The following CACNG4 variants were observed in gnomAD, a reference collection of about 807,000 sequenced individuals.
CACNG4 encodes the protein calcium voltage-gated channel auxiliary subunit gamma 4.
In CACNG4, 8 loss-of-function variants were observed where a neutral mutation model predicts 22.9. The ratio of observed to expected loss-of-function variants is 0.35; its 90% CI spans 0.21 to 0.63. CACNG4 has a LOEUF of 0.63. Among genes scored for constraint, CACNG4 ranks in the 30% least tolerant of loss-of-function variants. The probability of loss-of-function intolerance (pLI) is 0.72; values close to 1 mark genes in which losing one functional copy is unlikely to be tolerated. For synonymous variants in CACNG4, 188 were observed against 191.9 expected (o/e 0.98, Z 0.17); for missense variants, 357 against 455.4 (o/e 0.78, Z 1.97).
intron 2 of CACNG4, among the ~76,000 whole-genome samples, chr17:67,024,303 T>C (rs916736722): frequency 5.3e-5 from 8 of 152,230 alleles, no homozygotes; most frequent in Non-Finnish European, 1.2e-4. Flanking sequence ...ACACTGGTGC[T>C]ATGAGGAACC....
intron 1 of CACNG4, among the ~76,000 whole-genome samples, chr17:67,016,242 C>T (rs372277745): frequency 6.6e-6 from 1 of 152,070 alleles, no homozygotes; most frequent in Non-Finnish European, 1.5e-5. Context: ...ATGAGGAGAC[C>T]GAGGAGTTAA....
Position 67,030,435 on chromosome 17 carries a change from C to A in CACNG4, c.446-31C>A, listed in dbSNP as rs1157637124. The stretch of plus-strand genomic sequence containing the variant: ...AACCTCTGCCTCTCTCCCTCCCTGG[C>A]CCCGCTCCCCGCTCCCCGCTTCCCT... On this transcript the variant is annotated intron_variant, in intron 3 of 3. Transcript: ENST00000262138. This position sits in a 1 kb window ranked among gnomAD's most constrained non-coding sequence, Gnocchi z 6.4. The A allele has an allele frequency of 1.9e-6, 3 of 1,600,604 alleles. No homozygotes were observed. The highest frequency in any genetic ancestry group is 1.7e-5 in the Admixed American group (1 of 59,448).
intron 1 of CACNG4, among the ~76,000 whole-genome samples, chr17:66,981,248 C>T (rs999159962): frequency 6.6e-6 from 1 of 152,230 alleles, no homozygotes; most frequent in Non-Finnish European, 1.5e-5. Flanking sequence ...AGTCCAGCAT[C>T]CTCCAGCTGA....
At position 67,018,219 on chromosome 17, in the gene CACNG4, A is replaced by G. The variant is rs1412530029; in HGVS notation, c.251A>G (p.Asn84Ser). Residue 84 changes from asparagine (N) to serine (S), a missense_variant, in exon 2 of 4, where the codon AAT becomes AGT. By Grantham distance (46) the Asn-to-Ser change is conservative. Transcript: ENST00000262138. ...TATAAAGGGCACTGCTTCCGGATCA[A>G]TCACTTCCCAGAGGACAATGACTAC... ...GIYKGHCFRI[N>S]HFPEDNDYDH... The G allele has an allele frequency of 6.8e-6, 11 of 1,613,998 alleles. No homozygotes were observed. The highest frequency in any genetic ancestry group is 2.7e-5 in the African/African-American group (2 of 74,926).
rs542593409 is a variant in CACNG4 at position 67,022,598 on chromosome 17, A to T, written c.305-2262A>T. Among the ~76,000 whole-genome samples the T allele has an allele frequency of 2.7e-3, 416 of 152,386 alleles. 3 individuals carry two copies. The highest frequency in any genetic ancestry group is 9.6e-3 in the African/African-American group (401 of 41,598). On this transcript the variant is annotated intron_variant, in intron 2 of 3. Transcript: ENST00000262138. The stretch of plus-strand genomic sequence containing the variant: ...AGCAGGGACACACACTGATGCGTTC[A>T]CAAAAAAGGAGACAAACCCTGCCTT...
intron 1 of CACNG4, among the ~76,000 whole-genome samples, chr17:67,008,977 G>A (rs557606816): frequency 6.6e-6 from 1 of 152,188 alleles, no homozygotes; most frequent in African/African-American, 2.4e-5. Context: ...CCTTTAGAGT[G>A]GGGCCTAATC....
intron 1 of CACNG4, among the ~76,000 whole-genome samples, chr17:67,014,055 G>A (rs140621026): frequency 1.9e-4 from 29 of 152,198 alleles, no homozygotes; most frequent in African/African-American, 6.5e-4. Context: ...AAAGTCTCCC[G>A]CTAGTGGTCT....
At chr17:67,022,838 GC>G (rs2035540325) in intron 2 of CACNG4, among the ~76,000 whole-genome samples, 1 of 152,216 alleles carries the variant, frequency 6.6e-6, no homozygotes, top group African/African-American at 2.4e-5. Flanking sequence ...CTTCCTCCCA[GC>G]CCAGATGCTA....
At chr17:66,994,716 T>C (rs2035363420) in intron 1 of CACNG4, among the ~76,000 whole-genome samples, 2 of 152,366 alleles carry the variant, frequency 1.3e-5, no homozygotes, top group East Asian at 3.9e-4. Context: ...GCAGTCCCTA[T>C]CTTCTGGATT....
chr17:67,015,593 C>A (rs2035492476), intron 1 of CACNG4, among the ~76,000 whole-genome samples: 1 of 152,106 alleles, frequency 6.6e-6, no homozygotes, highest in Non-Finnish European at 1.5e-5. Context: ...TATTTCAAGA[C>A]AAGTGTAATT....
In CACNG4 at chr17:67,023,511, G is replaced by A. The variant is rs192220225; in HGVS notation, c.305-1349G>A. On this transcript the variant is annotated intron_variant, in intron 2 of 3. Transcript: ENST00000262138. Reference sequence around the variant, plus strand: ...AGAATGGTCTCAATCTCCTGACCTCGTGATCCACCTGCCTCAGCCTCCCAA... The same window carrying A: ...AGAATGGTCTCAATCTCCTGACCTCATGATCCACCTGCCTCAGCCTCCCAA... 3.3e-3 allele frequency among the ~76,000 whole-genome samples: 494 copies of A among 150,776 alleles called. 3 individuals carry two copies. Among genetic ancestry groups the A allele is most frequent in the African/African-American group, 9.9e-3 (404 of 40,990 alleles).
chr17:66,964,916 T>G lies in CACNG4; in HGVS notation c.5T>G (p.Val2Gly), dbSNP rs1598096754. 2 of 1,537,328 alleles carry G rather than the reference T, an allele frequency of 1.3e-6. No homozygotes were observed. ...GCGGACTATGAGGCGCCCACCATGGTGCGATGCGACCGCGGGCTGCAGATG... is the reference window on the plus strand; with the variant it reads ...GCGGACTATGAGGCGCCCACCATGGGGCGATGCGACCGCGGGCTGCAGATG... M[V>G]RCDRGLQMLL... The change falls in exon 1 of 4, where the codon GTG becomes GGG. Residue 2 changes from valine to glycine, a missense_variant. Val to Gly is a moderately radical substitution (Grantham distance 109). Transcript: ENST00000262138.
chr17:66,976,013 T>G lies in CACNG4; in HGVS notation c.220+10882T>G, dbSNP rs532149213. The stretch of plus-strand genomic sequence containing the variant: ...AGGGGTGGGAACTGAGTGCCCAGAT[T>G]GATACTCAGGAACAGAGACAGCGCT... On this transcript the variant is annotated intron_variant, in intron 1 of 3. Transcript: ENST00000262138. Among the ~76,000 whole-genome samples, 5 of 152,280 alleles carry G rather than the reference T, an allele frequency of 3.3e-5. No individual in the cohort carries two copies. The East Asian group carries it at 9.6e-4, about 29-fold the overall frequency.
Position 67,024,900 on chromosome 17 carries a change from C to T in CACNG4, c.345C>T (p.Thr115=). The part of the protein sequence containing the change: ...RASSVFPILS[T]ILLLLGGLCI... ...CCAGCGTCTTCCCCATCCTCAGCACCATCCTGCTCCTGCTGGGTGGCCTGT... is the reference window on the plus strand; with the variant it reads ...CCAGCGTCTTCCCCATCCTCAGCACTATCCTGCTCCTGCTGGGTGGCCTGT... The change falls in exon 3 of 4, where the codon ACC becomes ACT. Residue 115 remains threonine (T), a synonymous_variant. Coordinates refer to ENST00000262138, the MANE Select transcript of CACNG4 (RefSeq NM_014405.4). The T allele has an allele frequency of 1.2e-6, 2 of 1,601,738 alleles. No homozygotes were observed. Among genetic ancestry groups the T allele is most frequent in the Non-Finnish European group, 1.7e-6 (2 of 1,175,730 alleles).
intron 1 of CACNG4, among the ~76,000 whole-genome samples, chr17:66,980,350 G>A (rs1337341989): frequency 6.6e-6 from 1 of 152,168 alleles, no homozygotes; most frequent in Non-Finnish European, 1.5e-5. Flanking sequence ...TATCACATGT[G>A]TAAACCTAAG....
chr17:67,018,550 T>G (rs890754300), intron 2 of CACNG4, among the ~76,000 whole-genome samples: 10 of 152,160 alleles, frequency 6.6e-5, no homozygotes, highest in African/African-American at 2.4e-4. Flanking sequence ...GCAGAAAGCC[T>G]GCTGGGCATG....
At chr17:66,986,882 TAC>T (rs1247147891) in intron 1 of CACNG4, among the ~76,000 whole-genome samples, 2 of 152,204 alleles carry the variant, frequency 1.3e-5, no homozygotes, top group African/African-American at 4.8e-5. Flanking sequence ...TTAACTATAC[TAC>T]ATCTGTAATG....
chr17:67,032,558 C>T lies in CACNG4; in HGVS notation c.*1554C>T, dbSNP rs756838118. 9.4e-5 allele frequency: 15 copies of T among 159,340 alleles called. No homozygotes were observed. The highest frequency in any genetic ancestry group is 3.7e-4 in the East Asian group (2 of 5,334). 9.9% of individuals were successfully genotyped at this position (159,340 alleles called of 1,614,324 possible). On this transcript the variant is annotated 3_prime_UTR_variant, in exon 4 of 4. Transcript: ENST00000262138. ...CCTGGGGTTCAGACCCAGGTCCGTT[C>T]GGCCTAGTGATGATGTCATCGTCCA...
intron 1 of CACNG4, among the ~76,000 whole-genome samples, chr17:66,998,517 A>T (rs953503501): frequency 4.6e-5 from 7 of 152,086 alleles, no homozygotes; most frequent in Non-Finnish European, 8.8e-5. Flanking sequence ...TAACGTGAGC[A>T]CTCCTGAGCC....
Sources: gnomAD v4.1 joint callset for allele counts (sites outside exome capture counted in the v4.1 genomes callset) on GRCh38, gnomAD v4.1.1 for gene constraint, Gnocchi (gnomAD v3.1) non-coding constraint, MANE v1.5 for transcripts, NCBI Gene and HGNC (gene_info 2026-07-23, HGNC 2026-07-21) for gene names.